TUBGCP2: variants seen among roughly 807,000 people sequenced by gnomAD.
TUBGCP2 encodes gamma-tubulin complex component 2.
Under a neutral mutation model 92.2 loss-of-function variants are expected in TUBGCP2, and 55 were observed. That is an observed-to-expected ratio of 0.60 (90% CI 0.48 to 0.75). The LOEUF (loss-of-function observed/expected upper bound fraction) is 0.75. Ranked by LOEUF, TUBGCP2 falls within the 30% of genes least tolerant of loss-of-function variation. The pLI, the probability that TUBGCP2 is intolerant of heterozygous loss-of-function variation, is 0.00. For synonymous variants in TUBGCP2, 533 were observed against 505.2 expected, an observed-to-expected ratio of 1.06 and a Z score of -0.74; for missense variants, 1,093 against 1,188.9, an observed-to-expected ratio of 0.92 and a Z score of 1.19.
chr10:133,283,922 A>C lies in TUBGCP2; in HGVS notation c.2105T>G (p.Met702Arg). 1 of 1,614,162 alleles carries C rather than the reference A, an allele frequency of 6.2e-7. No individual in the cohort carries two copies. Among genetic ancestry groups the C allele is most frequent in the Non-Finnish European group, 8.5e-7 (1 of 1,180,008 alleles). The part of the protein sequence containing the change: ...NIQYYMMFEV[M>R]EPTWHILEKN... ...CTCCAGGATGTGCCAGGTCGGTTCC[A>C]TCACTTCAAACATCATGTAGTATTG... The change falls in exon 14 of 18, where the codon ATG becomes AGG. Residue 702 changes from methionine to arginine, a missense_variant. Physicochemically the swap from Met to Arg is moderately conservative, Grantham distance 91 (BLOSUM62 -1). This residue lies in a region of TUBGCP2 where 598 missense variants were observed against 675.5 expected (regional missense o/e 0.89). Coordinates refer to ENST00000252936, the MANE Select transcript of TUBGCP2 (RefSeq NM_006659.4).
At chr10:133,312,237 CCTAGCATGACCTGTGCCGTCTGCCTTT>C (rs1564779878), upstream of TUBGCP2, 21 of 1,300,040 alleles carry the variant, frequency 1.6e-5, no homozygotes, top group Middle Eastern at 3.1e-4. Context: ...CGTCTGCCTT[CCTAGCATGACCTGTGCCGTCTGCCTTT>C]CTAGCATGAC....
chr10:133,297,763 T>C (rs1847523779), intron 5 of TUBGCP2, among the ~76,000 whole-genome samples, 189 bp downstream of exon 5: 1 of 152,154 alleles, frequency 6.6e-6, no homozygotes, highest in African/African-American at 2.4e-5. Context: ...GGGATGGGAA[T>C]ATGGAGGCGG....
Position 133,282,424 on chromosome 10 carries a change from G to A in TUBGCP2, c.2290-82C>T, listed in dbSNP as rs763702878. On this transcript the variant is annotated intron_variant, in intron 15 of 17. Coordinates refer to ENST00000252936, the MANE Select transcript of TUBGCP2 (RefSeq NM_006659.4). ...CAGAAAAAACAAGTCCTGCAGGCAC[G>A]TCACCCTCCGCACCTCTGTTGTAGC... 8.1e-4 allele frequency: 1,205 copies of A among 1,489,670 alleles called. 18 individuals carry two copies. The highest frequency in any genetic ancestry group is 2.3e-3 in the Admixed American group (101 of 44,138). 92.3% of individuals were successfully genotyped at this position (1,489,670 alleles called of 1,614,324 possible). A position where few individuals can be genotyped will look rare whatever the true frequency, so the allele number is the denominator to read the frequency against.
chr10:133,299,172 C>T (rs1182466890), intron 4 of TUBGCP2, among the ~76,000 whole-genome samples: 1 of 152,150 alleles, frequency 6.6e-6, no homozygotes, highest in Middle Eastern at 3.4e-3. Flanking sequence ...ACAACTCCCA[C>T]GTGGGTCAGA....
intron 1 of TUBGCP2, among the ~76,000 whole-genome samples, chr10:133,305,113 AG>A (rs1847777862): frequency 6.6e-6 from 1 of 152,126 alleles, no homozygotes; most frequent in Non-Finnish European, 1.5e-5. Context: ...AGTTATCCGG[AG>A]GCCTGACTGT....
intron 4 of TUBGCP2, among the ~76,000 whole-genome samples, chr10:133,298,849 A>T (rs1171608885): frequency 1.3e-5 from 2 of 152,192 alleles, no homozygotes; most frequent in African/African-American, 4.8e-5. Flanking sequence ...CGCTGCACTC[A>T]ACACGCACCC....
intron 1 of TUBGCP2, among the ~76,000 whole-genome samples, chr10:133,306,865 C>T (rs1040778163): frequency 3.3e-5 from 5 of 152,162 alleles, no homozygotes; most frequent in Admixed American, 2.0e-4. Context: ...CACAGATGCC[C>T]GCACGTCATG....
Position 133,293,002 on chromosome 10 carries a change from C to T in TUBGCP2, c.1024+37G>A, listed in dbSNP as rs368985735. The T allele has an allele frequency of 1.2e-5, 20 of 1,602,656 alleles. No individual in the cohort carries two copies. In the African/African-American group the frequency reaches 2.4e-4, roughly 19 times the overall value. ...TGGGTGCCATGTTCAACACCTGCCA[C>T]CCACCACTGCCCCATGCCCCCCGGG... On this transcript the variant is annotated intron_variant, in intron 7 of 17. Coordinates refer to ENST00000252936, the MANE Select transcript of TUBGCP2 (RefSeq NM_006659.4).
chr10:133,309,542 TGCCGCTCTTCCATGTGCG>T (rs1847937775), upstream of TUBGCP2: 1 of 1,499,894 alleles, frequency 6.7e-7, no homozygotes, highest in Admixed American at 1.9e-5. Context: ...GGGGCTGTGC[TGCCGCTCTTCCATGTGCG>T]GCCGCCCCAC....
intron 1 of TUBGCP2, among the ~76,000 whole-genome samples, chr10:133,303,262 G>A (rs755069799): frequency 1.9e-4 from 29 of 151,856 alleles, no homozygotes; most frequent in Non-Finnish European, 4.0e-4. Context: ...GCCTCTCAGA[G>A]GGTCCTCTGC....
chr10:133,289,484 C>T (rs547861200), intron 9 of TUBGCP2, among the ~76,000 whole-genome samples: 7 of 152,250 alleles, frequency 4.6e-5, no homozygotes, highest in African/African-American at 1.2e-4. Context: ...GGCCGCCAGG[C>T]GTGTGTCTTT....
upstream of TUBGCP2, chr10:133,311,534 G>C (rs1847987901): frequency 3.4e-6 from 2 of 585,684 alleles, no homozygotes; most frequent in Admixed American, 3.2e-5. Flanking sequence ...CAATGGCCTT[G>C]CTGTAATCAT....
chr10:133,299,357 G>A, intron 4 of TUBGCP2, 70 bp downstream of exon 4: 7 of 1,372,768 alleles, frequency 5.1e-6, no homozygotes, highest in Non-Finnish European at 6.8e-6. Flanking sequence ...CTGAGTGTGG[G>A]TGCCTGTGGA....
chr10:133,302,196 C>A, intron 2 of TUBGCP2: 1 of 161,142 alleles, frequency 6.2e-6, no homozygotes, highest in Admixed American at 6.1e-5. Context: ...AGAATCAGAG[C>A]TGAACACACA....
chr10:133,283,678 TGCCTCTCCC>T (rs1847047371), intron 14 of TUBGCP2, among the ~76,000 whole-genome samples, 195 bp downstream of exon 14: 1 of 6,062 alleles, frequency 1.6e-4, no homozygotes, highest in Non-Finnish European at 3.7e-4. Flanking sequence ...CTGCACTCCC[TGCCTCTCCC>T]GCATTCCCTG....
At chr10:133,305,994 T>C (rs1194192697) in intron 1 of TUBGCP2, among the ~76,000 whole-genome samples, 4 of 152,180 alleles carry the variant, frequency 2.6e-5, no homozygotes, top group African/African-American at 4.8e-5. Context: ...CGTAGAGCTG[T>C]GGTAGAGAGA....
intron 8 of TUBGCP2, among the ~76,000 whole-genome samples, chr10:133,291,365 G>T (rs1422570099): frequency 1.6e-3 from 1 of 620 alleles, no homozygotes; most frequent in Non-Finnish European, 2.4e-3. Flanking sequence ...CCGTGTCCCC[G>T]TGTCCCTCCG....
intron 1 of TUBGCP2, among the ~76,000 whole-genome samples, chr10:133,308,051 C>T (rs769762323): frequency 2.6e-5 from 4 of 152,076 alleles, no homozygotes; most frequent in Admixed American, 6.5e-5. Flanking sequence ...TTTGAGGCCG[C>T]AGCGATCTAT....
At chr10:133,306,153 G>C (rs537433309) in intron 1 of TUBGCP2, among the ~76,000 whole-genome samples, 129 of 152,344 alleles carry the variant, frequency 8.5e-4, no homozygotes, top group Admixed American at 1.8e-3. Flanking sequence ...GTTTACAAAA[G>C]GAAAATTGGG....
Sources: gnomAD v4.1 joint callset for allele counts (sites outside exome capture counted in the v4.1 genomes callset) on GRCh38, gnomAD v4.1.1 for gene constraint, gnomAD v4.1.1 regional missense constraint, MANE v1.5 for transcripts, NCBI Gene and HGNC (gene_info 2026-07-23, HGNC 2026-07-21) for gene names.